Variants in CPA6 observed in about 807,000 individuals in gnomAD.
CPA6 encodes carboxypeptidase A6, also known as carboxypeptidase B.
CPA6 carries 58 observed loss-of-function variants against 63.3 expected under a neutral mutation model. The observed-to-expected ratio is 0.92, with a 90% CI of 0.74 to 1.14. The LOEUF (loss-of-function observed/expected upper bound fraction) is 1.14. CPA6 is among the 50% of genes most tolerant of loss of function. The pLI is 0.00. For missense variants in CPA6, 565 were observed against 526.6 expected, an observed-to-expected ratio of 1.07 and a Z score of -0.71; for synonymous variants, 185 against 179.0, an observed-to-expected ratio of 1.03 and a Z score of -0.27.
chr8:67,626,731 C>T (rs1241269849), intron 1 of CPA6, among the ~76,000 whole-genome samples: 4 of 152,130 alleles, frequency 2.6e-5, no homozygotes, highest in Admixed American at 1.3e-4. Context: ...AAAGCAAGCT[C>T]GGCTGGGTGA....
intron 2 of CPA6, among the ~76,000 whole-genome samples, chr8:67,593,506 T>A (rs1372085289): frequency 6.6e-6 from 1 of 152,176 alleles, no homozygotes; most frequent in African/African-American, 2.4e-5. Flanking sequence ...CCCATTATTA[T>A]TGTGTGGGAG....
chr8:67,659,351 A>T (rs979503674), intron 1 of CPA6, among the ~76,000 whole-genome samples: 1 of 152,240 alleles, frequency 6.6e-6, no homozygotes, highest in East Asian at 1.9e-4. Context: ...GCTAATTAAG[A>T]GACAAGGCAA....
chr8:67,456,980 G>A (rs983682547), intron 8 of CPA6, among the ~76,000 whole-genome samples: 18 of 152,228 alleles, frequency 1.2e-4, no homozygotes, highest in African/African-American at 4.1e-4. Context: ...AGCTGGAAAA[G>A]GGAAGGAAAC....
chr8:67,467,546 C>G (rs755767711), intron 8 of CPA6, among the ~76,000 whole-genome samples: 2 of 152,164 alleles, frequency 1.3e-5, no homozygotes, highest in Non-Finnish European at 2.9e-5. Context: ...CTCTGCTTCT[C>G]TGTCTTGCTG....
intron 1 of CPA6, among the ~76,000 whole-genome samples, chr8:67,683,874 G>T (rs1816650235): frequency 6.6e-6 from 1 of 151,362 alleles, no homozygotes; most frequent in African/African-American, 2.4e-5. Context: ...GCCCAGGCTG[G>T]AGTGCTGTGG....
chr8:67,429,713 T>C (rs1378162618), intron 9 of CPA6: 1 of 152,218 alleles, frequency 6.6e-6, no homozygotes, highest in Admixed American at 6.5e-5. Flanking sequence ...CAATATTCCA[T>C]GGCAAGGGCA....
intron 2 of CPA6, among the ~76,000 whole-genome samples, chr8:67,518,528 A>C (rs1812197054): frequency 7.7e-6 from 1 of 129,408 alleles, no homozygotes; most frequent in Admixed American, 8.4e-5. Flanking sequence ...TTTTTTTGAG[A>C]CAGAGTCTTT....
At chr8:67,647,369 C>T (rs1815735933) in intron 1 of CPA6, among the ~76,000 whole-genome samples, 1 of 150,992 alleles carries the variant, frequency 6.6e-6, no homozygotes, top group Non-Finnish European at 1.5e-5. Flanking sequence ...AGAGACAGGG[C>T]CTCACTATGT....
At position 67,699,484 on chromosome 8, in the gene CPA6, CAAATAAAT is replaced by C. The variant is rs532194706; in HGVS notation, c.116+46522_116+46529del. Among the ~76,000 whole-genome samples, 1,118 of 151,672 alleles carry C rather than the reference CAAATAAAT, an allele frequency of 7.4e-3. 19 individuals are homozygous for C. Among genetic ancestry groups the C allele is most frequent in the African/African-American group, 0.026 (1,057 of 41,338 alleles). Reference sequence around the variant, plus strand: ...GGGGGATGTTACCTAGAAAAACAGGCAAATAAATAAATAAATAAATAAACAAACAAACA... The same window carrying C: ...GGGGGATGTTACCTAGAAAAACAGGCAAATAAATAAATAAACAAACAAACA... On this transcript the variant is annotated intron_variant, in intron 1 of 10. Transcript: ENST00000297770.
chr8:67,640,104 G>A (rs533020658), intron 1 of CPA6, among the ~76,000 whole-genome samples: 5 of 151,424 alleles, frequency 3.3e-5, no homozygotes, highest in South Asian at 2.1e-4. Context: ...GTTGGTCCAT[G>A]GGCAGCCATG....
At position 67,592,406 on chromosome 8, in the gene CPA6, T is replaced by C. The variant is rs544516406; in HGVS notation, c.192+31770A>G. On this transcript the variant is annotated intron_variant, in intron 2 of 10. Coordinates refer to ENST00000297770, the MANE Select transcript of CPA6 (RefSeq NM_020361.5). ...TCAGGATGATGCTGGCCTCATAAAATGAGTTAGGGAGGATTCCCTCTTTTT... is the reference window on the plus strand; with the variant it reads ...TCAGGATGATGCTGGCCTCATAAAACGAGTTAGGGAGGATTCCCTCTTTTT... Among the ~76,000 whole-genome samples the C allele has an allele frequency of 1.7e-4, 26 of 152,272 alleles. No individual in the cohort carries two copies. In the East Asian group the frequency reaches 5.0e-3, roughly 29 times the overall value.
intron 8 of CPA6, 25 bp downstream of exon 8, chr8:67,483,743 G>C (rs755817200): frequency 6.3e-7 from 1 of 1,591,408 alleles, no homozygotes; most frequent in Non-Finnish European, 8.6e-7. Context: ...CTTTGGATCT[G>C]GATCCCAGTT....
Position 67,708,509 on chromosome 8 carries a change from G to A in CPA6, c.116+37505C>T, listed in dbSNP as rs182320392. Among the ~76,000 whole-genome samples the A allele has an allele frequency of 2.6e-3, 393 of 152,180 alleles. 2 individuals are homozygous for A. Among genetic ancestry groups the A allele is most frequent in the Middle Eastern group, 0.01 (3 of 294 alleles). On this transcript the variant is annotated intron_variant, in intron 1 of 10. Transcript: ENST00000297770. The stretch of plus-strand genomic sequence containing the variant: ...CAGCTCAGGAGAAACAAGAGGGATG[G>A]GCCATCAAACTCCAGATGATCCCCA...
intron 1 of CPA6, among the ~76,000 whole-genome samples, chr8:67,630,552 T>C (rs1323848176): frequency 6.6e-6 from 1 of 152,244 alleles, no homozygotes; most frequent in Non-Finnish European, 1.5e-5. Flanking sequence ...TATATGCTAA[T>C]GAGAGGTGAC....
Position 67,660,718 on chromosome 8 carries a change from C to T in CPA6, c.117-36467G>A, listed in dbSNP as rs189346596. On this transcript the variant is annotated intron_variant, in intron 1 of 10. Coordinates refer to ENST00000297770, the MANE Select transcript of CPA6 (RefSeq NM_020361.5). ...CCTGTTTGCTAAGGAAAATGCCAAGCAGCCTTTGGTATTCATATCACTGAG... is the reference window on the plus strand; with the variant it reads ...CCTGTTTGCTAAGGAAAATGCCAAGTAGCCTTTGGTATTCATATCACTGAG... 7.6e-4 allele frequency among the ~76,000 whole-genome samples: 115 copies of T among 152,148 alleles called. 2 individuals are homozygous for T. The highest frequency in any genetic ancestry group is 2.4e-3 in the Admixed American group (36 of 15,282).
chr8:67,426,830 A>C (rs1338948538), intron 10 of CPA6, among the ~76,000 whole-genome samples: 1 of 152,198 alleles, frequency 6.6e-6, no homozygotes, highest in Non-Finnish European at 1.5e-5. Context: ...ATAGTGAATA[A>C]ATTTTAGAGT....
intron 2 of CPA6, among the ~76,000 whole-genome samples, chr8:67,616,077 C>G (rs1209286964): frequency 6.6e-6 from 1 of 152,204 alleles, no homozygotes; most frequent in Non-Finnish European, 1.5e-5. Context: ...ATACCCTAGG[C>G]CAGTGGCTTA....
chr8:67,665,869 T>C (rs1479007830), intron 1 of CPA6, among the ~76,000 whole-genome samples: 2 of 152,196 alleles, frequency 1.3e-5, no homozygotes, highest in Non-Finnish European at 2.9e-5. Context: ...CCTATCACAC[T>C]GGGTTGTGGT....
At chr8:67,711,909 G>A (rs1457301081) in intron 1 of CPA6, among the ~76,000 whole-genome samples, 1 of 152,170 alleles carries the variant, frequency 6.6e-6, no homozygotes, top group East Asian at 1.9e-4. Context: ...GAGAAACAGA[G>A]CTGTGGTCAA....
Sources: gnomAD v4.1 joint callset for allele counts (sites outside exome capture counted in the v4.1 genomes callset) on GRCh38, gnomAD v4.1.1 for gene constraint, MANE v1.5 for transcripts, NCBI Gene and HGNC (gene_info 2026-07-23, HGNC 2026-07-21) for gene names.